SPACA6: variants seen among roughly 807,000 people sequenced by gnomAD.
The protein encoded by SPACA6 is sperm acrosome membrane-associated protein 6.
For missense variants in SPACA6, 8 were observed against 2.8 expected, an observed-to-expected ratio of 2.88 and a Z score of -1.34; for synonymous variants, 6 against 1.5, an observed-to-expected ratio of 4.05 and a Z score of -2.21.
downstream of SPACA6, among the ~76,000 whole-genome samples, chr19:51,707,882 A>G (rs2083523261): frequency 6.6e-6 from 1 of 152,248 alleles, no homozygotes; most frequent in Non-Finnish European, 1.5e-5. Flanking sequence ...AGAGGTAGAT[A>G]GGGTGAGGTC....
intron 2 of SPACA6, among the ~76,000 whole-genome samples, chr19:51,700,131 G>A (rs1339029601): frequency 1.3e-5 from 2 of 152,156 alleles, no homozygotes; most frequent in African/African-American, 4.8e-5. Flanking sequence ...GTGGGTGCCT[G>A]TAATCCTAGC....
upstream of SPACA6, among the ~76,000 whole-genome samples, chr19:51,690,066 A>G (rs143538562): frequency 3.4e-3 from 462 of 134,026 alleles, 3 homozygotes; most frequent in African/African-American, 0.011. Context: ...CAGACAGGCC[A>G]GGGTCAGCGG....
intron 2 of SPACA6, among the ~76,000 whole-genome samples, chr19:51,697,766 G>C (rs6509566): frequency 0.34 from 51,122 of 152,076 alleles, 11,727 homozygotes; most frequent in East Asian, 0.79. Context: ...AGTAGATGAC[G>C]TGGTACAGAC....
downstream of SPACA6, among the ~76,000 whole-genome samples, chr19:51,708,077 C>G (rs1009278299): frequency 2.0e-5 from 3 of 152,090 alleles, no homozygotes; most frequent in Admixed American, 6.5e-5. Context: ...TTTTCCCTCC[C>G]CAAGGACTGG....
downstream of SPACA6, among the ~76,000 whole-genome samples, chr19:51,712,679 G>C (rs974851594): frequency 6.6e-6 from 1 of 152,186 alleles, no homozygotes; most frequent in African/African-American, 2.4e-5. Context: ...TATGGACACA[G>C]GGGCAAGTGA....
At chr19:51,689,944 G>A (rs1169363356), upstream of SPACA6, among the ~76,000 whole-genome samples, 27 of 151,274 alleles carry the variant, frequency 1.8e-4, no homozygotes, top group Admixed American at 1.8e-3. Flanking sequence ...GTTAACGTCT[G>A]GCTGGAGGGG....
chr19:51,691,297 G>C (rs1205926124), upstream of SPACA6, among the ~76,000 whole-genome samples: 1 of 151,570 alleles, frequency 6.6e-6, no homozygotes, highest in South Asian at 2.1e-4. Context: ...GAGAGGGAGA[G>C]AGACAGAGAC....
intron 3 of SPACA6, among the ~76,000 whole-genome samples, chr19:51,702,214 A>G (rs935375054): frequency 6.6e-5 from 10 of 151,178 alleles, no homozygotes; most frequent in African/African-American, 1.9e-4. Flanking sequence ...TTCGTCTCCA[A>G]CTGAGCCCCT....
downstream of SPACA6, among the ~76,000 whole-genome samples, chr19:51,709,573 C>T (rs2083532438): frequency 7.1e-6 from 1 of 141,642 alleles, no homozygotes; most frequent in East Asian, 2.1e-4. Flanking sequence ...CATGACTGCA[C>T]CACTGCAGTC....
upstream of SPACA6, among the ~76,000 whole-genome samples, chr19:51,691,501 T>A (rs1283077612): frequency 8.0e-6 from 1 of 125,108 alleles, no homozygotes; most frequent in Admixed American, 8.2e-5. Flanking sequence ...AGACAGAAGG[T>A]AGAGGAAAAG....
At chr19:51,693,095 C>G, upstream of SPACA6, 1 of 369,144 alleles carries the variant, frequency 2.7e-6, no homozygotes, top group Non-Finnish European at 5.5e-6. Context: ...CTGACTCCCT[C>G]TTATTCTGGC....
rs2083478301 is a variant in SPACA6 at position 51,702,649 on chromosome 19, T to A, written c.382T>A (p.Cys128Ser). Reference sequence around the variant, plus strand: ...CACAGCCCAGGCTTGCATCCCTCCCTGCGGTAAGGACTTCATCTAAAACTT... The same window carrying A: ...CACAGCCCAGGCTTGCATCCCTCCCAGCGGTAAGGACTTCATCTAAAACTT... ...LKEAQACIPP[C>S]GLQEFARRFL... Residue 128 changes from cysteine (C) to serine (S), a missense_variant, in exon 4 of 9, where the codon TGC (cysteine) becomes AGC (serine). Transcript: ENST00000637797. 2.5e-6 allele frequency: 1 copy of A among 399,056 alleles called. No individual in the cohort carries two copies. The highest frequency in any genetic ancestry group is 2.1e-5 in the African/African-American group (1 of 48,608). The allele number at this position is 399,056 out of a possible 1,614,324, so 24.7% of individuals were successfully genotyped here. A position where few individuals can be genotyped will look rare whatever the true frequency, so the allele number is the denominator to read the frequency against.
Position 51,704,310 on chromosome 19 carries a change from C to G in SPACA6, c.771C>G (p.Ala257=), listed in dbSNP as rs2083496485. 2.5e-6 allele frequency: 1 copy of G among 400,726 alleles called. No homozygotes were observed. The highest frequency in any genetic ancestry group is 2.1e-5 in the African/African-American group (1 of 48,674). The allele number at this position is 400,726 out of a possible 1,614,324, so 24.8% of individuals were successfully genotyped here. Reference sequence around the variant, plus strand: ...CGCGGGCGGAGACAGAGTTGCAGGCCTCGTTCCGGGAAGTGCTGCGCTGGG... The same window carrying G: ...CGCGGGCGGAGACAGAGTTGCAGGCGTCGTTCCGGGAAGTGCTGCGCTGGG... ...PPPRAETELQ[A]SFREVLRWAP... Residue 257 remains alanine (A), a synonymous_variant, in exon 8 of 9, where the codon GCC becomes GCG. Transcript: ENST00000637797.
Position 51,694,527 on chromosome 19 carries a change from T to C in SPACA6, c.264T>C (p.His88=). Residue 88 remains histidine, a synonymous_variant, in exon 2 of 9, where the codon CAT becomes CAC. Transcript: ENST00000637797. The part of the protein sequence containing the change: ...HLHDTFTQMT[H]ALQELAAAQG... ...ATGACACCTTCACCCAGATGACCCATGCCCTGCAGGAGCTGGCTGCTGCCC... is the reference window on the plus strand; with the variant it reads ...ATGACACCTTCACCCAGATGACCCACGCCCTGCAGGAGCTGGCTGCTGCCC... 1 of 399,560 alleles carries C rather than the reference T, an allele frequency of 2.5e-6. No homozygotes were observed. The highest frequency in any genetic ancestry group is 2.1e-5 in the African/African-American group (1 of 48,730). The allele number at this position is 399,560 out of a possible 1,614,324, so 24.8% of individuals were successfully genotyped here.
At chr19:51,696,166 G>C (rs552844177) in intron 2 of SPACA6, among the ~76,000 whole-genome samples, 36 of 152,258 alleles carry the variant, frequency 2.4e-4, no homozygotes, top group African/African-American at 7.9e-4. Flanking sequence ...GCAGCTCTGG[G>C]TGTAGAAAGA....
At chr19:51,684,620 G>A (rs958897170), upstream of SPACA6, among the ~76,000 whole-genome samples, 6 of 152,176 alleles carry the variant, frequency 3.9e-5, no homozygotes, top group Non-Finnish European at 7.3e-5. Context: ...GTTCAGGGGT[G>A]TCCAATCTTT....
intron 2 of SPACA6, chr19:51,712,018 A>C (rs1322711367): frequency 1.3e-5 from 2 of 151,760 alleles, no homozygotes; most frequent in Non-Finnish European, 2.9e-5. Flanking sequence ...TGACTTGTAC[A>C]CTTCTTTTTT....
chr19:51,690,411 C>G (rs1229021723), upstream of SPACA6, among the ~76,000 whole-genome samples: 1 of 152,092 alleles, frequency 6.6e-6, no homozygotes, highest in East Asian at 1.9e-4. Context: ...ATCTTTCTCC[C>G]TTTGAAGCCT....
At chr19:51,690,483 T>C (rs1240941481), upstream of SPACA6, among the ~76,000 whole-genome samples, 1 of 152,032 alleles carries the variant, frequency 6.6e-6, no homozygotes. Context: ...ACCTCCTCTT[T>C]AGCCCCAGCT....
Sources: gnomAD v4.1 joint callset for allele counts (sites outside exome capture counted in the v4.1 genomes callset) on GRCh38, gnomAD v4.1.1 for gene constraint, MANE v1.5 for transcripts, NCBI Gene and HGNC (gene_info 2026-07-23, HGNC 2026-07-21) for gene names.